Variants in CLSTN2 observed in about 807,000 individuals in gnomAD.
CLSTN2 encodes the protein calsyntenin-2.
CLSTN2 carries 48 observed loss-of-function variants against 101.2 expected under a neutral mutation model. The observed-to-expected ratio is 0.47, with a 90% CI of 0.38 to 0.60. The LOEUF is 0.60. Among genes scored for constraint, CLSTN2 ranks in the 20% least tolerant of loss-of-function variants. CLSTN2 has a pLI of 0.00. For missense variants in CLSTN2, 1,160 were observed against 1,238.2 expected (o/e 0.94, Z 0.95); for synonymous variants, 481 against 463.6 (o/e 1.04, Z -0.48).
At chr3:140,118,505 A>G (rs2009282391) in intron 1 of CLSTN2, among the ~76,000 whole-genome samples, 1 of 152,162 alleles carries the variant, frequency 6.6e-6, no homozygotes, top group African/African-American at 2.4e-5. Context: ...TGGGGAAACA[A>G]AAAGAGTTTT....
At chr3:140,217,161 T>C (rs1164506038) in intron 2 of CLSTN2, among the ~76,000 whole-genome samples, 2 of 152,196 alleles carry the variant, frequency 1.3e-5, no homozygotes, top group Non-Finnish European at 2.9e-5. Context: ...ACTTTACAGT[T>C]TCCCTAGGAG....
At chr3:140,060,116 G>A (rs1396347498) in intron 1 of CLSTN2, among the ~76,000 whole-genome samples, 1 of 152,192 alleles carries the variant, frequency 6.6e-6, no homozygotes, top group Non-Finnish European at 1.5e-5. Flanking sequence ...ATAACTCAGC[G>A]AGGTTCCTGG....
intron 2 of CLSTN2, among the ~76,000 whole-genome samples, chr3:140,227,936 A>G (rs1469245281): frequency 3.3e-5 from 5 of 152,048 alleles, no homozygotes; most frequent in African/African-American, 1.2e-4. Flanking sequence ...GGCCCACAAA[A>G]CCATGTTTTC....
At chr3:139,966,942 T>C (rs985545423) in intron 1 of CLSTN2, among the ~76,000 whole-genome samples, 10 of 152,170 alleles carry the variant, frequency 6.6e-5, no homozygotes, top group Non-Finnish European at 1.5e-4. Context: ...GCCAGGGTTC[T>C]AGTCTGTCCT....
intron 2 of CLSTN2, among the ~76,000 whole-genome samples, chr3:140,389,623 A>G (rs981353135): frequency 2.6e-5 from 4 of 152,176 alleles, no homozygotes; most frequent in Admixed American, 6.5e-5. Flanking sequence ...TAATAGAATG[A>G]TTTATATTCC....
intron 1 of CLSTN2, among the ~76,000 whole-genome samples, chr3:140,137,356 G>T (rs202233360): frequency 2.1e-4 from 1 of 4,698 alleles, no homozygotes; most frequent in Non-Finnish European, 5.1e-4. Flanking sequence ...TTGCCAACCC[G>T]CATCATTCTT....
intron 2 of CLSTN2, among the ~76,000 whole-genome samples, chr3:140,393,025 C>A (rs1290220247): frequency 6.6e-6 from 1 of 151,988 alleles, no homozygotes; most frequent in Non-Finnish European, 1.5e-5. Flanking sequence ...ATCCCCCAGT[C>A]CCACGCCCAT....
intron 1 of CLSTN2, among the ~76,000 whole-genome samples, chr3:139,953,368 A>C (rs1935326903): frequency 6.6e-6 from 1 of 152,158 alleles, no homozygotes; most frequent in African/African-American, 2.4e-5. Context: ...CAATTTACTC[A>C]TGTAACAAAC....
At chr3:140,077,055 G>A (rs1434659292) in intron 1 of CLSTN2, among the ~76,000 whole-genome samples, 4 of 152,132 alleles carry the variant, frequency 2.6e-5, no homozygotes, top group South Asian at 2.1e-4. Flanking sequence ...TTACAAGGAC[G>A]ACTAGCTCTA....
At chr3:140,349,023 G>C (rs978552810) in intron 2 of CLSTN2, among the ~76,000 whole-genome samples, 4 of 152,198 alleles carry the variant, frequency 2.6e-5, no homozygotes, top group Admixed American at 6.5e-5. Flanking sequence ...CATGTTGCAA[G>C]AAAAATCTCA....
chr3:140,385,191 T>C (rs2088036064), intron 2 of CLSTN2, among the ~76,000 whole-genome samples: 1 of 152,040 alleles, frequency 6.6e-6, no homozygotes. Flanking sequence ...TCCAGCTGTG[T>C]TACTAAGGCA....
chr3:140,014,204 A>G (rs1453549110), intron 1 of CLSTN2, among the ~76,000 whole-genome samples: 1 of 151,900 alleles, frequency 6.6e-6, no homozygotes, highest in Admixed American at 6.6e-5. Context: ...GGGAGGATGC[A>G]ATTTTGTTTT....
At chr3:140,082,018 C>G (rs1423254888) in intron 1 of CLSTN2, among the ~76,000 whole-genome samples, 1 of 152,218 alleles carries the variant, frequency 6.6e-6, no homozygotes, top group African/African-American at 2.4e-5. Flanking sequence ...GCATTTCTCT[C>G]CAGCTTTTTG....
At chr3:140,256,990 A>G (rs895989969) in intron 2 of CLSTN2, among the ~76,000 whole-genome samples, 9 of 152,204 alleles carry the variant, frequency 5.9e-5, no homozygotes, top group African/African-American at 1.9e-4. Context: ...CAATGTGTGT[A>G]TAGAAAGGCA....
chr3:140,389,600 G>T (rs1178015310), intron 2 of CLSTN2, among the ~76,000 whole-genome samples: 3 of 152,154 alleles, frequency 2.0e-5, no homozygotes, highest in Admixed American at 2.0e-4. Context: ...ACATACACAT[G>T]CCTGTGTCTT....
At chr3:140,507,944 C>T (rs1934716938) in intron 8 of CLSTN2, 1 of 152,174 alleles carries the variant, frequency 6.6e-6, no homozygotes, top group Non-Finnish European at 1.5e-5. Flanking sequence ...GCCCCAAGTT[C>T]CAATCCCAAG....
At chr3:140,068,322 A>G (rs757768540) in intron 1 of CLSTN2, among the ~76,000 whole-genome samples, 6 of 152,238 alleles carry the variant, frequency 3.9e-5, no homozygotes, top group Non-Finnish European at 7.3e-5. Flanking sequence ...TTTGGGCCTT[A>G]GAATCTTTAC....
intron 2 of CLSTN2, among the ~76,000 whole-genome samples, chr3:140,358,838 G>A (rs567100905): frequency 6.6e-6 from 1 of 151,908 alleles, no homozygotes; most frequent in East Asian, 1.9e-4. Flanking sequence ...AGAGAGAGGC[G>A]GATTTGTAGG....
intron 1 of CLSTN2, among the ~76,000 whole-genome samples, chr3:140,060,922 T>C (rs2008193339): frequency 6.6e-6 from 1 of 152,118 alleles, no homozygotes; most frequent in Non-Finnish European, 1.5e-5. Context: ...GAAGGATGAA[T>C]TTCTGCCTTC....
Sources: allele counts gnomAD v4.1 joint callset (sites outside exome capture counted in the v4.1 genomes callset), GRCh38; gene constraint gnomAD v4.1.1; transcripts MANE v1.5; gene names NCBI Gene and HGNC (gene_info 2026-07-23, HGNC 2026-07-21).